SAMD3: variants seen among roughly 807,000 people sequenced by gnomAD.
SAMD3 encodes the protein sterile alpha motif domain containing 3.
A neutral mutation model predicts 58.5 loss-of-function variants in SAMD3; 63 were observed. The ratio of observed to expected loss-of-function variants is 1.08; its 90% CI spans 0.88 to 1.33. The LOEUF (loss-of-function observed/expected upper bound fraction) is 1.33. SAMD3 is among the 40% of genes most tolerant of loss of function. SAMD3 has a pLI of 0.00. For missense variants in SAMD3, 604 were observed against 608.4 expected (o/e 0.99, Z 0.08); for synonymous variants, 220 against 210.3 (o/e 1.05, Z -0.40).
At position 130,184,263 on chromosome 6, in the gene SAMD3, A is replaced by C. The variant is rs910230950; in HGVS notation, c.570-76T>G. 9 of 1,295,536 alleles carry C rather than the reference A, an allele frequency of 6.9e-6. No homozygotes were observed. In the African/African-American group the frequency reaches 8.9e-5, roughly 13 times the overall value. 80.3% of individuals were successfully genotyped at this position (1,295,536 alleles called of 1,614,324 possible). On this transcript the variant is annotated intron_variant, in intron 6 of 11. Transcript: ENST00000439090. ...CTTCCTTTAAGATGAGTCTAATTAC[A>C]CTCATTTTTCTTCACATTTTTCTAT...
chr6:130,202,873 C>T (rs138898471), intron 5 of SAMD3, among the ~76,000 whole-genome samples: 6 of 151,502 alleles, frequency 4.0e-5, no homozygotes, highest in South Asian at 2.1e-4. Flanking sequence ...AGGATCTAAA[C>T]GTGTCAATTC....
At chr6:130,362,921 C>T (rs144048710) in intron 1 of SAMD3, among the ~76,000 whole-genome samples, 13 of 152,256 alleles carry the variant, frequency 8.5e-5, no homozygotes, top group East Asian at 7.7e-4. Context: ...TTCAAAATCA[C>T]GGTGAAATAA....
intron 1 of SAMD3, among the ~76,000 whole-genome samples, chr6:130,363,161 T>C (rs1283506214): frequency 6.6e-6 from 1 of 152,210 alleles, no homozygotes; most frequent in African/African-American, 2.4e-5. Context: ...GATAAAAATC[T>C]AGCAAACAAT....
intron 8 of SAMD3, among the ~76,000 whole-genome samples, chr6:130,169,586 C>A (rs978100137): frequency 6.6e-6 from 1 of 152,172 alleles, no homozygotes; most frequent in Non-Finnish European, 1.5e-5. Flanking sequence ...TAACTGCTAA[C>A]CCCAATACAT....
rs746002111 is a variant in SAMD3 at position 130,214,482 on chromosome 6, T to A, written c.124A>T (p.Met42Leu). ...ATTTTCTTTACCAGTTGCTGAACCATCCGATCATTAAGTGCAAGAAGAGCG... is the reference window on the plus strand; with the variant it reads ...ATTTTCTTTACCAGTTGCTGAACCAACCGATCATTAAGTGCAAGAAGAGCG... ...GAALLALNDRMVQQLVKKIGH... is the reference protein window; with the variant it reads ...GAALLALNDRLVQQLVKKIGH... Residue 42 changes from methionine (M) to leucine (L), a missense_variant, in exon 4 of 12, where the codon ATG becomes TTG. By Grantham distance (15) the Met-to-Leu change is conservative. Coordinates refer to ENST00000439090, the MANE Select transcript of SAMD3 (RefSeq NM_001017373.4). 6.2e-7 allele frequency: 1 copy of A among 1,611,336 alleles called. No individual in the cohort carries two copies. The highest frequency in any genetic ancestry group is 8.5e-7 in the Non-Finnish European group (1 of 1,178,788).
At chr6:130,263,494 C>T (rs1212227141) in intron 2 of SAMD3, among the ~76,000 whole-genome samples, 1 of 152,108 alleles carries the variant, frequency 6.6e-6, no homozygotes, top group Non-Finnish European at 1.5e-5. Context: ...AAAGGATAGA[C>T]TCATCATGCC....
At chr6:130,150,149 C>G (rs1789020796) in intron 9 of SAMD3, among the ~76,000 whole-genome samples, 2 of 151,996 alleles carry the variant, frequency 1.3e-5, no homozygotes, top group African/African-American at 4.8e-5. Context: ...CATTTCTCTG[C>G]TGAGATTCCC....
In SAMD3 at chr6:130,215,237, A is replaced by G; in HGVS notation, c.37T>C (p.Leu13=). ...TWSVEQVCSW[L]VEKNLGELVH... ...AGCTCTCCTAAATTTTTCTCCACCA[A>G]CCAACTGCAGACCTGCTCAACTGAC... Residue 13 remains leucine (L), a synonymous_variant, in exon 3 of 12, where the codon TTG becomes CTG. Coordinates refer to ENST00000439090, the MANE Select transcript of SAMD3 (RefSeq NM_001017373.4). 6 of 1,611,244 alleles carry G rather than the reference A, an allele frequency of 3.7e-6. No individual in the cohort carries two copies. Among genetic ancestry groups the G allele is most frequent in the Non-Finnish European group, 5.1e-6 (6 of 1,178,124 alleles).
In SAMD3 at chr6:130,175,956, A is replaced by G. The variant is rs749768652; in HGVS notation, c.707T>C (p.Ile236Thr). The G allele has an allele frequency of 4.3e-6, 7 of 1,613,534 alleles. No homozygotes were observed. The East Asian group carries it at 1.1e-4, about 26-fold the overall frequency. ...TCTAATCACTTGCTCATCATCTTCTATGGGTCTTCGAACATATTTAAAGCG... is the reference window on the plus strand; with the variant it reads ...TCTAATCACTTGCTCATCATCTTCTGTGGGTCTTCGAACATATTTAAAGCG... ...KDRFKYVRRPIEDDEQVIRNK... is the reference protein window; with the variant it reads ...KDRFKYVRRPTEDDEQVIRNK... The change falls in exon 8 of 12, where the codon ATA (isoleucine) becomes ACA (threonine). Residue 236 changes from isoleucine (I) to threonine (T), a missense_variant. By Grantham distance (89) the Ile-to-Thr change is moderately conservative. Coordinates refer to ENST00000439090, the MANE Select transcript of SAMD3 (RefSeq NM_001017373.4).
intron 9 of SAMD3, among the ~76,000 whole-genome samples, chr6:130,150,097 T>TCATGTGTGTGTGTGTGCGCG (rs1789008025): frequency 6.6e-6 from 1 of 150,912 alleles, no homozygotes; most frequent in South Asian, 2.1e-4. Context: ...TCAATTTGGT[T>TCATGTGTGTGTGTGTGCGCG]CATGTGTGTG....
chr6:130,282,767 A>G (rs1775024996), intron 2 of SAMD3, among the ~76,000 whole-genome samples: 1 of 152,228 alleles, frequency 6.6e-6, no homozygotes, highest in Admixed American at 6.5e-5. Context: ...CAGGCTCAAG[A>G]TTCAAAATAA....
intron 2 of SAMD3, among the ~76,000 whole-genome samples, chr6:130,231,542 C>T (rs766653874): frequency 6.6e-6 from 1 of 151,306 alleles, no homozygotes; most frequent in Non-Finnish European, 1.5e-5. Context: ...CCAGTCTGGG[C>T]GACAAGAGTG....
chr6:130,348,697 G>A (rs1483038414), intron 1 of SAMD3, among the ~76,000 whole-genome samples: 1 of 152,112 alleles, frequency 6.6e-6, no homozygotes, highest in African/African-American at 2.4e-5. Context: ...AGGATATCCA[G>A]GAACTGAACT....
chr6:130,206,404 A>G (rs917096603), intron 5 of SAMD3, among the ~76,000 whole-genome samples: 6 of 152,216 alleles, frequency 3.9e-5, no homozygotes, highest in Non-Finnish European at 7.3e-5. Flanking sequence ...ACAGGGAAGC[A>G]GAATGGAGAC....
intron 1 of SAMD3, among the ~76,000 whole-genome samples, chr6:130,351,278 A>C (rs935141034): frequency 6.6e-6 from 1 of 152,226 alleles, no homozygotes; most frequent in Non-Finnish European, 1.5e-5. Flanking sequence ...CTACCATCAG[A>C]GTGAACAGGC....
chr6:130,363,068 A>G (rs1778032840), intron 1 of SAMD3, among the ~76,000 whole-genome samples: 1 of 152,230 alleles, frequency 6.6e-6, no homozygotes, highest in Non-Finnish European at 1.5e-5. Context: ...TCTACTTTGA[A>G]AAAGCACCCA....
intron 8 of SAMD3, among the ~76,000 whole-genome samples, chr6:130,157,066 T>G (rs1789845427): frequency 7.6e-6 from 1 of 131,094 alleles, no homozygotes; most frequent in African/African-American, 2.9e-5. Context: ...TGAGACTCCG[T>G]CTCAAAAAAT....
chr6:130,265,745 T>C (rs1399187258), intron 2 of SAMD3, among the ~76,000 whole-genome samples: 1 of 150,146 alleles, frequency 6.7e-6, no homozygotes, highest in Non-Finnish European at 1.5e-5. Context: ...TCATAAACGA[T>C]ATGAGTAAAG....
At chr6:130,293,894 C>T (rs1390553436) in intron 2 of SAMD3, among the ~76,000 whole-genome samples, 2 of 151,980 alleles carry the variant, frequency 1.3e-5, no homozygotes, top group Admixed American at 6.6e-5. Context: ...TTATGCTATA[C>T]GGGTAAGGAA....
Sources: gnomAD v4.1 joint callset for allele counts (sites outside exome capture counted in the v4.1 genomes callset) on GRCh38, gnomAD v4.1.1 for gene constraint, MANE v1.5 for transcripts, NCBI Gene and HGNC (gene_info 2026-07-23, HGNC 2026-07-21) for gene names.